FHOD1: variants seen among roughly 807,000 people sequenced by gnomAD.
FHOD1 encodes FH1/FH2 domain-containing protein 1.
FHOD1 carries 89 observed loss-of-function variants against 111.6 expected under a neutral mutation model. The ratio of observed to expected loss-of-function variants is 0.80; its 90% CI spans 0.67 to 0.95. The LOEUF is 0.95. Ranked by LOEUF, FHOD1 falls within the 40% of genes least tolerant of loss-of-function variation. FHOD1 has a pLI of 0.00. For synonymous variants in FHOD1, 618 were observed against 639.0 expected, an observed-to-expected ratio of 0.97 and a Z score of 0.50; for missense variants, 1,446 against 1,554.2, an observed-to-expected ratio of 0.93 and a Z score of 1.17.
In FHOD1 at chr16:67,231,843, C is replaced by T. The variant is rs751407193; in HGVS notation, c.2203-24G>A. ...TTCTGAGGATGTAGCCAGAGCCTGA[C>T]ATGGCCCCCTCAATGCAGGCCTGAG... is the stretch of plus-strand genomic sequence containing the variant. On this transcript the variant is annotated intron_variant, in intron 14 of 21. Coordinates refer to ENST00000258201, the MANE Select transcript of FHOD1 (RefSeq NM_013241.3). The surrounding 1 kb of genome is among the most constrained non-coding windows in gnomAD (Gnocchi z 4.3). The T allele has an allele frequency of 1.2e-6, 2 of 1,608,454 alleles. No individual in the cohort carries two copies. The highest frequency in any genetic ancestry group is 4.5e-5 in the East Asian group (2 of 44,764).
chr16:67,247,414 T>C lies in FHOD1; in HGVS notation c.-4A>G. ...CGCGGTCTTCCCCGCCCGCCATGGCTCTGCGGCCGGCTCACGCAGCGCGCC... is the reference window on the plus strand; with the variant it reads ...CGCGGTCTTCCCCGCCCGCCATGGCCCTGCGGCCGGCTCACGCAGCGCGCC... On this transcript the variant is annotated 5_prime_UTR_variant, in exon 1 of 22. Coordinates refer to ENST00000258201, the MANE Select transcript of FHOD1 (RefSeq NM_013241.3). The C allele has an allele frequency of 1.2e-6, 2 of 1,612,012 alleles. No individual in the cohort carries two copies. The highest frequency in any genetic ancestry group is 1.7e-4 in the Middle Eastern group (1 of 6,058).
intron 1 of FHOD1, among the ~76,000 whole-genome samples, chr16:67,245,175 C>T (rs1319818094): frequency 6.6e-6 from 1 of 152,238 alleles, no homozygotes; most frequent in African/African-American, 2.4e-5. Flanking sequence ...CCTAGTGTGC[C>T]ACCTCCATAT....
chr16:67,243,368 CT>C (rs111700824), intron 1 of FHOD1, among the ~76,000 whole-genome samples: 1 of 151,430 alleles, frequency 6.6e-6, no homozygotes, highest in African/African-American at 2.4e-5. Flanking sequence ...CGGACTGCCT[CT>C]TTTTTTTCTT....
chr16:67,238,950 G>A lies in FHOD1; in HGVS notation c.326C>T (p.Thr109Met), dbSNP rs1347930201. The A allele has an allele frequency of 3.7e-6, 6 of 1,614,042 alleles. No individual in the cohort carries two copies. In the South Asian group the frequency reaches 4.4e-5, roughly 12 times the overall value. ...AGAGAGCTGGGTCCGAAGGATCAGC[G>A]TGGGCTTCCGCCCTTTGCTGGAATC... Reference protein sequence around the residue: ...YEEISKGRKPTLILRTQLSVR... With the variant: ...YEEISKGRKPMLILRTQLSVR... The change falls in exon 3 of 22, where the codon ACG (threonine) becomes ATG (methionine). Residue 109 changes from threonine (T) to methionine (M), a missense_variant. Thr to Met is a moderately conservative substitution (Grantham distance 81). Coordinates refer to ENST00000258201, the MANE Select transcript of FHOD1 (RefSeq NM_013241.3). The surrounding 1 kb of genome is among the most constrained non-coding windows in gnomAD (Gnocchi z 4.2).
intron 1 of FHOD1, among the ~76,000 whole-genome samples, chr16:67,245,940 A>G (rs1268140591): frequency 2.0e-5 from 3 of 152,212 alleles, no homozygotes; most frequent in Admixed American, 1.3e-4. Flanking sequence ...GGTGGCCTCC[A>G]GCTGCACACG....
chr16:67,238,636 C>A lies in FHOD1; in HGVS notation c.374-189G>T. 1.5e-6 allele frequency: 1 copy of A among 684,364 alleles called. No individual in the cohort carries two copies. The allele number at this position is 684,364 out of a possible 1,614,324, so 42.4% of individuals were successfully genotyped here. A position where few individuals can be genotyped will look rare whatever the true frequency, so the allele number is the denominator to read the frequency against. The stretch of plus-strand genomic sequence containing the variant: ...GCACAGTCATAGCTCACTGCAACCT[C>A]AAACTCCTAGCCTCAAGCAATTCTC... On this transcript the variant is annotated intron_variant, in intron 3 of 21. Transcript: ENST00000258201. This position sits in a 1 kb window ranked among gnomAD's most constrained non-coding sequence, Gnocchi z 4.2.
chr16:67,231,239 A>G lies in FHOD1; in HGVS notation c.2616T>C (p.Pro872=). Residue 872 remains proline, a synonymous_variant, in exon 17 of 22, where the codon CCT becomes CCC. Coordinates refer to ENST00000258201, the MANE Select transcript of FHOD1 (RefSeq NM_013241.3). This position sits in a 1 kb window ranked among gnomAD's most constrained non-coding sequence, Gnocchi z 4.3. ...HLCSLVLQTR[P]ESSDLYSEIP... ...TTTCTGAATAGAGGTCAGAGGACTC[A>G]GGCCGGGTCTGGAGCACTAGGGAGC... The G allele has an allele frequency of 6.2e-7, 1 of 1,614,232 alleles. No homozygotes were observed. Among genetic ancestry groups the G allele is most frequent in the Non-Finnish European group, 8.5e-7 (1 of 1,180,040 alleles).
At chr16:67,236,882 AG>A (rs2034502503) in intron 10 of FHOD1, 83 bp downstream of exon 10, 6 of 1,034,018 alleles carry the variant, frequency 5.8e-6, no homozygotes, top group Non-Finnish European at 7.2e-6. Flanking sequence ...GCGGGGCCTG[AG>A]GGGGTTGGGG....
At position 67,247,407 on chromosome 16, in the gene FHOD1, C is replaced by G. The variant is rs1213350921; in HGVS notation, c.4G>C (p.Ala2Pro). The change falls in exon 1 of 22, where the codon GCG becomes CCG. Residue 2 changes from alanine to proline, a missense_variant. Physicochemically the swap from Ala to Pro is conservative, Grantham distance 27. Coordinates refer to ENST00000258201, the MANE Select transcript of FHOD1 (RefSeq NM_013241.3). Reference protein sequence around the residue: MAGGEDRGDGEP... With the variant: MPGGEDRGDGEP... ...CCGTCCCCGCGGTCTTCCCCGCCCG[C>G]CATGGCTCTGCGGCCGGCTCACGCA... The G allele has an allele frequency of 1.2e-6, 2 of 1,612,584 alleles. No individual in the cohort carries two copies. Among genetic ancestry groups the G allele is most frequent in the South Asian group, 2.2e-5 (2 of 91,032 alleles).
chr16:67,234,737 C>T (rs370834982), intron 11 of FHOD1: 3 of 452,276 alleles, frequency 6.6e-6, no homozygotes, highest in South Asian at 3.6e-5. Context: ...CTTGCAACCT[C>T]GTTCATGTTC....
At chr16:67,244,545 C>T (rs1348701243) in intron 1 of FHOD1, among the ~76,000 whole-genome samples, 2 of 152,098 alleles carry the variant, frequency 1.3e-5, no homozygotes, top group Non-Finnish European at 2.9e-5. Context: ...ATGAGCAAGG[C>T]TTTCTGAGAT....
chr16:67,235,954 G>C (rs940849044), intron 11 of FHOD1: 54 of 807,454 alleles, frequency 6.7e-5, no homozygotes, highest in Non-Finnish European at 7.5e-5. Flanking sequence ...ACCCCTGCTG[G>C]GGGAAGCAAT....
chr16:67,234,426 C>A lies in FHOD1; in HGVS notation c.1366G>T (p.Val456Phe). ...TCTGCCCGGCCCTGGGCCAGCGCAACCTGCTTCTCTGTTTCTGCTGCCGCC... is the reference window on the plus strand; with the variant it reads ...TCTGCCCGGCCCTGGGCCAGCGCAAACTGCTTCTCTGTTTCTGCTGCCGCC... ...NVAAAETEKQVALAQGRAETL... is the reference protein window; with the variant it reads ...NVAAAETEKQFALAQGRAETL... The change falls in exon 12 of 22, where the codon GTT (valine) becomes TTT (phenylalanine). Residue 456 changes from valine to phenylalanine, a missense_variant. Val to Phe is a conservative substitution (Grantham distance 50). Transcript: ENST00000258201. 1 of 1,608,634 alleles carries A rather than the reference C, an allele frequency of 6.2e-7. No individual in the cohort carries two copies. The highest frequency in any genetic ancestry group is 8.5e-7 in the Non-Finnish European group (1 of 1,179,092).
chr16:67,242,583 A>G (rs748334138), intron 1 of FHOD1, among the ~76,000 whole-genome samples: 5 of 152,232 alleles, frequency 3.3e-5, no homozygotes, highest in Admixed American at 6.5e-5. Context: ...CCAGGCCTGA[A>G]TAAGCCCAAA....
intron 11 of FHOD1, 127 bp from the exon 12 acceptor site, chr16:67,234,599 G>A (rs919332824): frequency 3.1e-5 from 24 of 785,688 alleles, no homozygotes; most frequent in Non-Finnish European, 4.0e-5. Context: ...CAGTCCATGC[G>A]CTGAGCAGAC....
chr16:67,245,954 C>T (rs890367823), intron 1 of FHOD1, among the ~76,000 whole-genome samples: 7 of 152,262 alleles, frequency 4.6e-5, no homozygotes, highest in African/African-American at 1.4e-4. Context: ...GCACACGCTT[C>T]TTCCAGGCAC....
Position 67,236,708 on chromosome 16 carries a change from C to T in FHOD1, c.1168G>A (p.Gly390Ser). Residue 390 changes from glycine (G) to serine (S), a missense_variant, in exon 11 of 22, where the codon GGC becomes AGC. Gly to Ser is a moderately conservative substitution (Grantham distance 56). Coordinates refer to ENST00000258201, the MANE Select transcript of FHOD1 (RefSeq NM_013241.3). Reference sequence around the variant, plus strand: ...GCGGGGCCGGTGGAAGAGGTGGGGCCTACCGGTGAGGCGGGGCCTGTGGGG... The same window carrying T: ...GCGGGGCCGGTGGAAGAGGTGGGGCTTACCGGTGAGGCGGGGCCTGTGGGG... Reference protein sequence around the residue: ...PGPTGPASPVGPTSSTGPALL... With the variant: ...PGPTGPASPVSPTSSTGPALL... The T allele has an allele frequency of 6.4e-7, 1 of 1,570,912 alleles. No homozygotes were observed. Among genetic ancestry groups the T allele is most frequent in the East Asian group, 2.3e-5 (1 of 43,150 alleles).
rs1253935262 is a variant in FHOD1 at position 67,237,441 on chromosome 16, C to G, written c.849+34G>C. ...TTGGTGGGGAGGTCAGGAGCCTGAG[C>G]ATCCCAGAGCTGGCACCCAGTCCTT... On this transcript the variant is annotated intron_variant, in intron 8 of 21. Coordinates refer to ENST00000258201, the MANE Select transcript of FHOD1 (RefSeq NM_013241.3). This position sits in a 1 kb window ranked among gnomAD's most constrained non-coding sequence, Gnocchi z 5.6. 6.2e-7 allele frequency: 1 copy of G among 1,614,048 alleles called. No homozygotes were observed. The highest frequency in any genetic ancestry group is 1.7e-5 in the Admixed American group (1 of 60,032).
intron 1 of FHOD1, among the ~76,000 whole-genome samples, chr16:67,246,176 C>T (rs2034820356): frequency 6.6e-6 from 1 of 152,222 alleles, no homozygotes; most frequent in South Asian, 2.1e-4. Flanking sequence ...GCTGGGGGCC[C>T]GGGGCACATT....
Sources: allele counts gnomAD v4.1 joint callset (sites outside exome capture counted in the v4.1 genomes callset), GRCh38; gene constraint gnomAD v4.1.1; non-coding constraint Gnocchi (gnomAD v3.1); transcripts MANE v1.5; gene names NCBI Gene and HGNC (gene_info 2026-07-23, HGNC 2026-07-21).